The following ZNF536 variants were observed in gnomAD, a reference collection of about 807,000 sequenced individuals.
ZNF536 encodes the protein zinc finger protein 536.
In ZNF536, 13 loss-of-function variants were observed where a neutral mutation model predicts 84.5. The ratio of observed to expected loss-of-function variants is 0.15; its 90% CI spans 0.10 to 0.24. ZNF536 has a LOEUF of 0.24. Ranked by LOEUF, ZNF536 falls within the 10% of genes least tolerant of loss-of-function variation. The pLI, the probability that ZNF536 is intolerant of heterozygous loss-of-function variation, is 1.00. For missense variants in ZNF536, 1,536 were observed against 1,747.5 expected (o/e 0.88, Z 2.16); for synonymous variants, 811 against 742.5 (o/e 1.09, Z -1.50).
At chr19:30,547,484 G>T (rs532552073) in intron 3 of ZNF536, among the ~76,000 whole-genome samples, 21 of 152,170 alleles carry the variant, frequency 1.4e-4, no homozygotes, top group Non-Finnish European at 2.9e-4. Context: ...TCAGTCTTGC[G>T]TAACAGTGCC....
chr19:30,227,266 C>A (rs942572795), upstream of ZNF536, among the ~76,000 whole-genome samples: 3 of 152,016 alleles, frequency 2.0e-5, no homozygotes, highest in Admixed American at 6.5e-5. Context: ...AAAGTTAAGT[C>A]CCCCCCTTTT....
At chr19:30,577,304 A>G (rs1245834987) in intron 1 of ZNF536, among the ~76,000 whole-genome samples, 1 of 152,100 alleles carries the variant, frequency 6.6e-6, no homozygotes, top group African/African-American at 2.4e-5. Context: ...CTGAGTTATA[A>G]ACCCCCGAAA....
chr19:30,627,075 G>A (rs1279613828), intron 1 of ZNF536, among the ~76,000 whole-genome samples: 1 of 152,108 alleles, frequency 6.6e-6, no homozygotes, highest in Non-Finnish European at 1.5e-5. Context: ...GCTCCTTCCT[G>A]AGCCTGGAAG....
chr19:30,565,912 C>G (rs2046331402), intron 1 of ZNF536, among the ~76,000 whole-genome samples: 1 of 152,120 alleles, frequency 6.6e-6, no homozygotes, highest in Non-Finnish European at 1.5e-5. Context: ...ACCTGATAGC[C>G]CATCTCACAG....
intron 1 of ZNF536, among the ~76,000 whole-genome samples, chr19:30,273,189 A>G (rs1178289486): frequency 6.6e-6 from 1 of 151,788 alleles, no homozygotes; most frequent in Non-Finnish European, 1.5e-5. Context: ...GGCATGAACC[A>G]CTGCACCTGG....
chr19:30,292,037 T>C (rs1013787355), intron 2 of ZNF536, among the ~76,000 whole-genome samples: 1 of 152,218 alleles, frequency 6.6e-6, no homozygotes. Context: ...AGACAGAGAC[T>C]GTGTGGCCCG....
At chr19:30,579,862 C>T (rs1038108549) in intron 1 of ZNF536, among the ~76,000 whole-genome samples, 6 of 152,148 alleles carry the variant, frequency 3.9e-5, no homozygotes, top group African/African-American at 1.4e-4. Context: ...GAGGTCTTTC[C>T]TACAACCACC....
intron 1 of ZNF536, among the ~76,000 whole-genome samples, chr19:30,592,755 C>T (rs751862152): frequency 1.3e-5 from 2 of 151,644 alleles, no homozygotes; most frequent in Admixed American, 6.6e-5. Flanking sequence ...AGCAAGTTCA[C>T]GGTTATAGAA....
chr19:30,657,475 G>A (rs948004041), intron 1 of ZNF536, among the ~76,000 whole-genome samples: 2 of 152,240 alleles, frequency 1.3e-5, no homozygotes, highest in Admixed American at 6.5e-5. Flanking sequence ...AGACTCTCTC[G>A]GTATTCCTGC....
intron 1 of ZNF536, among the ~76,000 whole-genome samples, chr19:30,708,008 CAA>C (rs60270540): frequency 7.0e-4 from 72 of 102,838 alleles, no homozygotes; most frequent in Admixed American, 1.2e-3. Flanking sequence ...GAGACTCCAT[CAA>C]AAAAAAAAAA....
chr19:30,385,282 G>C lies in ZNF536; in HGVS notation c.-3+12726G>C, dbSNP rs544120705. 8.8e-4 allele frequency among the ~76,000 whole-genome samples: 134 copies of C among 152,286 alleles called. 1 individual carries two copies. The highest frequency in any genetic ancestry group is 3.0e-3 in the African/African-American group (124 of 41,568). On this transcript the variant is annotated intron_variant, in intron 1 of 4. Transcript: ENST00000355537. ...TGTCTAGCAACCGCCCAGAGACTGA[G>C]GGAGGTGATGACCCGATGGGGGTCA... is the stretch of plus-strand genomic sequence containing the variant.
chr19:30,549,606 G>A (rs1369396002), intron 4 of ZNF536, 92 bp downstream of exon 4: 3 of 1,359,482 alleles, frequency 2.2e-6, no homozygotes, highest in Admixed American at 2.7e-5. Flanking sequence ...TTATCCATGA[G>A]CAACTTTTGA....
chr19:30,656,243 A>G (rs1310582363), intron 1 of ZNF536, among the ~76,000 whole-genome samples: 8 of 152,190 alleles, frequency 5.3e-5, no homozygotes, highest in Non-Finnish European at 1.5e-5. Flanking sequence ...TACTTAGAAT[A>G]TAACAGCTGT....
chr19:30,709,061 C>G (rs550018500), intron 1 of ZNF536, among the ~76,000 whole-genome samples: 6 of 152,168 alleles, frequency 3.9e-5, no homozygotes, highest in East Asian at 1.9e-4. Flanking sequence ...AGGGGAGATG[C>G]CATTGCTTCA....
At chr19:30,389,412 C>T (rs1397649962) in intron 1 of ZNF536, among the ~76,000 whole-genome samples, 2 of 152,054 alleles carry the variant, frequency 1.3e-5, no homozygotes, top group South Asian at 2.1e-4. Flanking sequence ...ACACGAGACC[C>T]TTGTAAAAAA....
chr19:30,339,423 G>A (rs1381939814), intron 2 of ZNF536, among the ~76,000 whole-genome samples: 1 of 152,216 alleles, frequency 6.6e-6, no homozygotes, highest in East Asian at 1.9e-4. Flanking sequence ...CTCATCTGCT[G>A]GGTGAGGTGC....
At chr19:30,398,388 C>CTT (rs34335848) in intron 1 of ZNF536, among the ~76,000 whole-genome samples, 85,014 of 146,886 alleles carry the variant, frequency 0.58, 24,999 homozygotes, top group Non-Finnish European at 0.64. Context: ...TTTTCTTTTT[C>CTT]TTTTTTTTTT....
intron 1 of ZNF536, among the ~76,000 whole-genome samples, chr19:30,283,859 A>G (rs1250224174): frequency 7.2e-5 from 11 of 152,186 alleles, no homozygotes; most frequent in Non-Finnish European, 1.5e-5. Flanking sequence ...TTCCCACTGA[A>G]AACAAGCTGA....
intron 2 of ZNF536, among the ~76,000 whole-genome samples, chr19:30,323,046 C>T (rs1486084921): frequency 6.6e-6 from 1 of 152,132 alleles, no homozygotes; most frequent in African/African-American, 2.4e-5. Context: ...ACCCTGGGGC[C>T]CTGGAGGCTC....
Sources: gnomAD v4.1 joint callset for allele counts (sites outside exome capture counted in the v4.1 genomes callset) on GRCh38, gnomAD v4.1.1 for gene constraint, MANE v1.5 for transcripts, NCBI Gene and HGNC (gene_info 2026-07-23, HGNC 2026-07-21) for gene names.